GALNT13: variants seen among roughly 807,000 people sequenced by gnomAD.
The protein encoded by GALNT13 is polypeptide N-acetylgalactosaminyltransferase 13, also known as UDP-GalNAc:polypeptide N-acetylgalactosaminyltransferase 13.
A neutral mutation model predicts 64.2 loss-of-function variants in GALNT13; 28 were observed. The observed-to-expected ratio is 0.44, with a 90% CI of 0.32 to 0.60. The LOEUF is 0.60. Among genes scored for constraint, GALNT13 ranks in the 20% least tolerant of loss-of-function variants. The pLI, the probability that GALNT13 is intolerant of heterozygous loss-of-function variation, is 0.05. For synonymous variants in GALNT13, 214 were observed against 224.6 expected, an observed-to-expected ratio of 0.95 and a Z score of 0.42; for missense variants, 577 against 669.8, an observed-to-expected ratio of 0.86 and a Z score of 1.53.
intron 3 of GALNT13, among the ~76,000 whole-genome samples, chr2:154,138,606 A>G (rs1350814035): frequency 6.6e-6 from 1 of 151,062 alleles, no homozygotes; most frequent in Non-Finnish European, 1.5e-5. Flanking sequence ...CTGAATATTT[A>G]TGGTTAATAG....
chr2:153,581,877 T>C, the GALNT13 span, among the ~76,000 whole-genome samples: 1 of 152,098 alleles, frequency 6.6e-6, no homozygotes. Context: ...TCTTTTCTTA[T>C]TTGACTACAA....
intron 3 of GALNT13, among the ~76,000 whole-genome samples, chr2:154,058,770 G>A (rs976808416): frequency 6.6e-6 from 1 of 152,166 alleles, no homozygotes. Context: ...AGATCTAATA[G>A]GAGTGAGGTA....
At chr2:153,897,716 T>G (rs1433088921) in intron 1 of GALNT13, among the ~76,000 whole-genome samples, 1 of 152,138 alleles carries the variant, frequency 6.6e-6, no homozygotes, top group Non-Finnish European at 1.5e-5. Context: ...TCAGTCCATC[T>G]ATACTTTTTA....
chr2:153,386,840 T>C, the GALNT13 span, among the ~76,000 whole-genome samples: 1 of 152,124 alleles, frequency 6.6e-6, no homozygotes. Flanking sequence ...ACTGCTGACT[T>C]TGCCTATAAC....
chr2:153,896,450 T>C (rs1687902760), intron 1 of GALNT13, among the ~76,000 whole-genome samples: 1 of 151,784 alleles, frequency 6.6e-6, no homozygotes, highest in Non-Finnish European at 1.5e-5. Context: ...TATATGAAGA[T>C]GTAAATTGTA....
At chr2:153,554,517 A>AT in the GALNT13 span, among the ~76,000 whole-genome samples, 1 of 152,130 alleles carries the variant, frequency 6.6e-6, no homozygotes, top group Non-Finnish European at 1.5e-5. Context: ...TTTCTGATGA[A>AT]TTTTTTCAAA....
intron 3 of GALNT13, among the ~76,000 whole-genome samples, chr2:154,020,465 T>A (rs1272559875): frequency 6.6e-6 from 1 of 152,212 alleles, no homozygotes; most frequent in African/African-American, 2.4e-5. Flanking sequence ...GATGAGCATT[T>A]TTTCATGTGT....
chr2:153,460,525 G>C, the GALNT13 span, among the ~76,000 whole-genome samples: 1 of 152,026 alleles, frequency 6.6e-6, no homozygotes, highest in African/African-American at 2.4e-5. Context: ...TTATTTACCT[G>C]TGAAAGAATT....
chr2:153,894,282 T>C (rs1200000380), intron 1 of GALNT13, among the ~76,000 whole-genome samples: 2 of 152,034 alleles, frequency 1.3e-5, no homozygotes, highest in Admixed American at 6.6e-5. Context: ...CCTCAACTGG[T>C]TGAATAAAAA....
the GALNT13 span, among the ~76,000 whole-genome samples, chr2:153,233,536 G>A: frequency 6.6e-6 from 1 of 151,260 alleles, no homozygotes; most frequent in Non-Finnish European, 1.5e-5. Context: ...TGTGATCTAT[G>A]ATCTATTTAT....
chr2:154,258,565 T>A (rs200315548), intron 7 of GALNT13, among the ~76,000 whole-genome samples: 6 of 152,066 alleles, frequency 3.9e-5, no homozygotes, highest in South Asian at 2.1e-4. Context: ...TAATTTTTTT[T>A]ATTTTTAAAT....
At chr2:154,423,678 T>A (rs1275379975) in intron 11 of GALNT13, among the ~76,000 whole-genome samples, 2 of 152,176 alleles carry the variant, frequency 1.3e-5, no homozygotes, top group Non-Finnish European at 2.9e-5. Context: ...AAGTTAAAAT[T>A]GTTCTCTGGG....
At chr2:153,442,069 T>C in the GALNT13 span, among the ~76,000 whole-genome samples, 13 of 152,190 alleles carry the variant, frequency 8.5e-5, no homozygotes, top group Admixed American at 7.2e-4. Flanking sequence ...ATCAGTATGA[T>C]ATTGGCTGTG....
intron 2 of GALNT13, among the ~76,000 whole-genome samples, chr2:153,907,185 A>G (rs1379374320): frequency 6.6e-6 from 1 of 151,334 alleles, no homozygotes; most frequent in Non-Finnish European, 1.5e-5. Context: ...ATTTTCTCCC[A>G]TTTTGTAGGT....
chr2:153,965,306 G>T (rs541360058), intron 3 of GALNT13, among the ~76,000 whole-genome samples: 41 of 152,154 alleles, frequency 2.7e-4, no homozygotes, highest in Non-Finnish European at 5.4e-4. Context: ...GATCAAAAGT[G>T]TATTTTTGTA....
chr2:153,981,337 G>A (rs1694446761), intron 3 of GALNT13, among the ~76,000 whole-genome samples: 1 of 152,028 alleles, frequency 6.6e-6, no homozygotes, highest in Admixed American at 6.6e-5. Flanking sequence ...ATTTACGTTA[G>A]GTATATCTCC....
the GALNT13 span, among the ~76,000 whole-genome samples, chr2:153,777,554 C>A: frequency 9.9e-4 from 151 of 152,288 alleles, no homozygotes; most frequent in Middle Eastern, 3.4e-3. Flanking sequence ...TCATTGTGCC[C>A]ATGTACAAAA....
the GALNT13 span, among the ~76,000 whole-genome samples, chr2:153,340,458 C>A: frequency 8.4e-3 from 1,281 of 151,698 alleles, 17 homozygotes; most frequent in African/African-American, 0.028. Flanking sequence ...AGTTCGAGGC[C>A]AGCCTGGCCA....
chr2:153,680,345 TAA>T, the GALNT13 span, among the ~76,000 whole-genome samples: 1 of 149,960 alleles, frequency 6.7e-6, no homozygotes, highest in East Asian at 1.9e-4. Flanking sequence ...CTATGGGAAA[TAA>T]AAAAAAATTC....
Sources: allele counts gnomAD v4.1 joint callset (sites outside exome capture counted in the v4.1 genomes callset), GRCh38; gene constraint gnomAD v4.1.1; transcripts MANE v1.5; gene names NCBI Gene and HGNC (gene_info 2026-07-23, HGNC 2026-07-21).